AGAP1: variants seen among roughly 807,000 people sequenced by gnomAD.
The protein encoded by AGAP1 is arf-GAP with GTPase, ANK repeat and PH domain-containing protein 1.
Under a neutral mutation model 105.3 loss-of-function variants are expected in AGAP1, and 29 were observed. The observed-to-expected ratio is 0.28, with a 90% CI of 0.21 to 0.38. The LOEUF (loss-of-function observed/expected upper bound fraction) is 0.38. Ranked by LOEUF, AGAP1 falls within the 10% of genes least tolerant of loss-of-function variation. The pLI is 1.00. For synonymous variants in AGAP1, 509 were observed against 485.9 expected (o/e 1.05, Z -0.63); for missense variants, 998 against 1,165.1 (o/e 0.86, Z 2.09).
chr2:235,854,311 G>A (rs145296449), intron 9 of AGAP1, among the ~76,000 whole-genome samples: 9 of 152,190 alleles, frequency 5.9e-5, no homozygotes, highest in East Asian at 5.8e-4. Context: ...CTCCTCCCCC[G>A]CATCCAACTG....
At chr2:235,881,176 GGT>G (rs1253837085) in intron 9 of AGAP1, among the ~76,000 whole-genome samples, 1 of 152,072 alleles carries the variant, frequency 6.6e-6, no homozygotes, top group Non-Finnish European at 1.5e-5. Flanking sequence ...TGTGAAACTT[GGT>G]TACGATCTAG....
At chr2:235,770,426 C>T (rs981478552) in intron 6 of AGAP1, among the ~76,000 whole-genome samples, 4 of 152,078 alleles carry the variant, frequency 2.6e-5, no homozygotes, top group African/African-American at 9.7e-5. Context: ...TGAGCCACCA[C>T]GCCTGGCCTC....
Position 236,020,703 on chromosome 2 carries a change from C to T in AGAP1, c.1646-15858C>T, listed in dbSNP as rs191872552. Among the ~76,000 whole-genome samples, 49 of 152,286 alleles carry T rather than the reference C, an allele frequency of 3.2e-4. No individual in the cohort carries two copies. The highest frequency in any genetic ancestry group is 6.6e-4 in the Non-Finnish European group (45 of 68,024). The stretch of plus-strand genomic sequence containing the variant: ...GAGCTGGGCACATAGGGAAGCTGGC[C>T]GCCGTGGCTGCTATTAAATTGCTAT... On this transcript the variant is annotated intron_variant, in intron 13 of 17. Coordinates refer to ENST00000304032, the MANE Select transcript of AGAP1 (RefSeq NM_001037131.3). The surrounding 1 kb of genome is among the most constrained non-coding windows in gnomAD (Gnocchi z 5.0).
chr2:235,738,982 T>G (rs552358392), intron 3 of AGAP1, among the ~76,000 whole-genome samples: 104 of 152,358 alleles, frequency 6.8e-4, no homozygotes, highest in African/African-American at 2.4e-3. Context: ...TGTTGCAGAC[T>G]TTTCTGTCGT....
rs1201817727 is a variant in AGAP1 at position 236,062,087 on chromosome 2, C to CTGCGGACGGCCCAA, written c.2114+12819_2114+12820insATGCGGACGGCCCA. ...TGTGCACTGCAGCCAAATTCCTGCC[C>CTGCGGACGGCCCAA]TGCGGACGGCCCACAGGGGAGCGAG... is the stretch of plus-strand genomic sequence containing the variant. On this transcript the variant is annotated intron_variant, in intron 16 of 17. Transcript: ENST00000304032. The surrounding 1 kb of genome is among the most constrained non-coding windows in gnomAD (Gnocchi z 4.2). Among the ~76,000 whole-genome samples the CTGCGGACGGCCCAA allele has an allele frequency of 6.6e-6, 1 of 152,106 alleles. No individual in the cohort carries two copies. Among genetic ancestry groups the CTGCGGACGGCCCAA allele is most frequent in the Non-Finnish European group, 1.5e-5 (1 of 68,012 alleles).
intron 1 of AGAP1, among the ~76,000 whole-genome samples, chr2:235,519,275 G>A (rs1437864131): frequency 2.0e-5 from 3 of 152,010 alleles, no homozygotes; most frequent in African/African-American, 7.3e-5. Context: ...GCAGGGTCTT[G>A]CTGTGTTGCC....
chr2:235,543,877 A>T (rs1294929364), intron 1 of AGAP1, among the ~76,000 whole-genome samples: 2 of 152,176 alleles, frequency 1.3e-5, no homozygotes, highest in African/African-American at 4.8e-5. Flanking sequence ...CTAAAAGCAT[A>T]GACCTGTCAG....
At chr2:235,699,274 G>T (rs974179962) in intron 1 of AGAP1, among the ~76,000 whole-genome samples, 4 of 152,158 alleles carry the variant, frequency 2.6e-5, no homozygotes, top group Non-Finnish European at 5.9e-5. Context: ...GAGACCTCCT[G>T]TAGATACAGG....
chr2:235,777,648 C>G lies in AGAP1; in HGVS notation c.674-20111C>G, dbSNP rs1559474650. ...ATCCGACGCTGGTCCTAAGTGCCTT[C>G]AGCTGTCACCTGAGCACGTTCAAGC... On this transcript the variant is annotated intron_variant, in intron 6 of 17. Coordinates refer to ENST00000304032, the MANE Select transcript of AGAP1 (RefSeq NM_001037131.3). The surrounding 1 kb of genome is among the most constrained non-coding windows in gnomAD (Gnocchi z 5.1). Among the ~76,000 whole-genome samples the G allele has an allele frequency of 6.6e-6, 1 of 152,194 alleles. No individual in the cohort carries two copies. Among genetic ancestry groups the G allele is most frequent in the East Asian group, 1.9e-4 (1 of 5,178 alleles).
intron 11 of AGAP1, among the ~76,000 whole-genome samples, chr2:235,910,956 G>C (rs1005816431): frequency 6.6e-6 from 1 of 151,870 alleles, no homozygotes; most frequent in Non-Finnish European, 1.5e-5. Flanking sequence ...TGTGCCAGAA[G>C]TTGTGCGCAC....
chr2:235,558,806 G>C (rs540907816), intron 1 of AGAP1, among the ~76,000 whole-genome samples: 1 of 152,342 alleles, frequency 6.6e-6, no homozygotes, highest in African/African-American at 2.4e-5. Flanking sequence ...TTCTTGAGGA[G>C]CCCCAAGGTA....
rs767762740 is a variant in AGAP1 at position 236,056,923 on chromosome 2, A to T, written c.2114+7642A>T. ...CAGTAGCGGCATTGGGAGAACCGCC[A>T]TGTTTAGCAGCACCACTCCCACTCG... is the stretch of plus-strand genomic sequence containing the variant. On this transcript the variant is annotated intron_variant, in intron 16 of 17. Coordinates refer to ENST00000304032, the MANE Select transcript of AGAP1 (RefSeq NM_001037131.3). This position sits in a 1 kb window ranked among gnomAD's most constrained non-coding sequence, Gnocchi z 4.6. Among the ~76,000 whole-genome samples, 2 of 152,172 alleles carry T rather than the reference A, an allele frequency of 1.3e-5. No homozygotes were observed. Among genetic ancestry groups the T allele is most frequent in the Non-Finnish European group, 2.9e-5 (2 of 68,028 alleles).
rs558711210 is a variant in AGAP1 at position 235,560,126 on chromosome 2, G to A, written c.163+65277G>A. ...AGAGTTTTCTGATGGTTTCTTTTAC[G>A]TTTAGGTCTTTGATTTTGAGTTACT... On this transcript the variant is annotated intron_variant, in intron 1 of 17. Coordinates refer to ENST00000304032, the MANE Select transcript of AGAP1 (RefSeq NM_001037131.3). Among the ~76,000 whole-genome samples, 51 of 152,188 alleles carry A rather than the reference G, an allele frequency of 3.4e-4. 2 individuals are homozygous for A. The South Asian group carries it at 0.01, about 30-fold the overall frequency.
rs1412448963 is a variant in AGAP1 at position 236,123,028 on chromosome 2, T to C, written c.2371-891T>C. The stretch of plus-strand genomic sequence containing the variant: ...GTGTGCACAGTTGAGGGGAGAGTTC[T>C]GAATTCTGTTCATGTGGTGGAATAC... On this transcript the variant is annotated intron_variant, in intron 17 of 17. Transcript: ENST00000304032. This position sits in a 1 kb window ranked among gnomAD's most constrained non-coding sequence, Gnocchi z 4.6. 6.6e-6 allele frequency among the ~76,000 whole-genome samples: 1 copy of C among 152,142 alleles called. No individual in the cohort carries two copies. The highest frequency in any genetic ancestry group is 1.5e-5 in the Non-Finnish European group (1 of 68,030).
At position 235,747,889 on chromosome 2, in the gene AGAP1, A is replaced by G. The variant is rs1423480505; in HGVS notation, c.539-2465A>G. On this transcript the variant is annotated intron_variant, in intron 5 of 17. Transcript: ENST00000304032. This position sits in a 1 kb window ranked among gnomAD's most constrained non-coding sequence, Gnocchi z 5.0. The stretch of plus-strand genomic sequence containing the variant: ...TGGGATGGGAAAGAACGGAAGAGGA[A>G]TTAGGTTCATTGCCAAAGGATTCCT... Among the ~76,000 whole-genome samples, 1 of 152,176 alleles carries G rather than the reference A, an allele frequency of 6.6e-6. No homozygotes were observed. The highest frequency in any genetic ancestry group is 2.4e-5 in the African/African-American group (1 of 41,450).
chr2:235,712,898 C>T lies in AGAP1; in HGVS notation c.222+3661C>T, dbSNP rs1412003116. The stretch of plus-strand genomic sequence containing the variant: ...TGACACACTTGAAACGGCATTTTGA[C>T]CCCTTATTTTATTTTCCTTTCACCA... On this transcript the variant is annotated intron_variant, in intron 2 of 17. Coordinates refer to ENST00000304032, the MANE Select transcript of AGAP1 (RefSeq NM_001037131.3). This position sits in a 1 kb window ranked among gnomAD's most constrained non-coding sequence, Gnocchi z 6.0. Among the ~76,000 whole-genome samples the T allele has an allele frequency of 6.6e-6, 1 of 152,214 alleles. No homozygotes were observed. The highest frequency in any genetic ancestry group is 1.5e-5 in the Non-Finnish European group (1 of 68,044).
Position 235,901,801 on chromosome 2 carries a change from C to T in AGAP1, c.1156-6937C>T, listed in dbSNP as rs2051077076. Among the ~76,000 whole-genome samples the T allele has an allele frequency of 6.6e-6, 1 of 151,670 alleles. No individual in the cohort carries two copies. The highest frequency in any genetic ancestry group is 2.4e-5 in the African/African-American group (1 of 41,258). On this transcript the variant is annotated intron_variant, in intron 10 of 17. Coordinates refer to ENST00000304032, the MANE Select transcript of AGAP1 (RefSeq NM_001037131.3). This position sits in a 1 kb window ranked among gnomAD's most constrained non-coding sequence, Gnocchi z 4.3. The stretch of plus-strand genomic sequence containing the variant: ...GGCTGAGGCAGTAGAATCACTTGAA[C>T]CCAGGAGACAGAAATTGCAGTGAGC...
rs1446284287 is a variant in AGAP1 at position 235,659,784 on chromosome 2, G to C, written c.164-49395G>C. ...ATAGTGTATATTTCTTTGTCTCTCA[G>C]TTGGGGCCCTGGCCTCTGCAGATAA... On this transcript the variant is annotated intron_variant, in intron 1 of 17. Coordinates refer to ENST00000304032, the MANE Select transcript of AGAP1 (RefSeq NM_001037131.3). The surrounding 1 kb of genome is among the most constrained non-coding windows in gnomAD (Gnocchi z 5.0). 1.3e-5 allele frequency among the ~76,000 whole-genome samples: 2 copies of C among 152,218 alleles called. No homozygotes were observed. Among genetic ancestry groups the C allele is most frequent in the Admixed American group, 6.5e-5 (1 of 15,280 alleles).
In AGAP1 at chr2:235,622,733, G is replaced by T. The variant is rs531998763; in HGVS notation, c.164-86446G>T. On this transcript the variant is annotated intron_variant, in intron 1 of 17. Coordinates refer to ENST00000304032, the MANE Select transcript of AGAP1 (RefSeq NM_001037131.3). This position sits in a 1 kb window ranked among gnomAD's most constrained non-coding sequence, Gnocchi z 5.0. The stretch of plus-strand genomic sequence containing the variant: ...CCACGGTAGCTAATGTTTGTAGCGC[G>T]CTCACGTATGCCAGACTCTTCTTAG... Among the ~76,000 whole-genome samples the T allele has an allele frequency of 6.6e-6, 1 of 152,088 alleles. No homozygotes were observed. Among genetic ancestry groups the T allele is most frequent in the East Asian group, 1.9e-4 (1 of 5,166 alleles).
Sources: allele counts gnomAD v4.1 joint callset (sites outside exome capture counted in the v4.1 genomes callset), GRCh38; gene constraint gnomAD v4.1.1; non-coding constraint Gnocchi (gnomAD v3.1); transcripts MANE v1.5; gene names NCBI Gene and HGNC (gene_info 2026-07-23, HGNC 2026-07-21).